The following C19orf38 variants were observed in gnomAD, a reference collection of about 807,000 sequenced individuals.
C19orf38 encodes the protein chromosome 19 open reading frame 38.
C19orf38 carries 14 observed loss-of-function variants against 26.6 expected under a neutral mutation model. That is an observed-to-expected ratio of 0.53 (90% CI 0.35 to 0.82). The LOEUF is 0.82. Ranked by LOEUF, C19orf38 falls within the 40% of genes least tolerant of loss-of-function variation. The pLI is 0.01. For synonymous variants in C19orf38, 132 were observed against 128.5 expected (o/e 1.03, Z -0.18); for missense variants, 261 against 299.5 (o/e 0.87, Z 0.95).
chr19:10,856,239 C>T (rs1324413731), intron 2 of C19orf38, 26 bp from the exon 3 acceptor site: 6 of 1,531,414 alleles, frequency 3.9e-6, no homozygotes, highest in South Asian at 3.6e-5. Context: ...CTGACCTGCC[C>T]ACTCTCTTTT....
chr19:10,856,631 G>A (rs543271923), intron 3 of C19orf38, among the ~76,000 whole-genome samples: 1 of 151,866 alleles, frequency 6.6e-6, no homozygotes, highest in Non-Finnish European at 1.5e-5. Context: ...AGCCTCTCAA[G>A]TAGCTGGGAT....
chr19:10,849,893 C>T (rs1422624171), intron 1 of C19orf38, among the ~76,000 whole-genome samples: 3 of 151,670 alleles, frequency 2.0e-5, no homozygotes. Context: ...AGTGAAACCC[C>T]ATCTCTACTA....
chr19:10,863,274 C>T, intron 6 of C19orf38, 67 bp downstream of exon 6: 1 of 1,493,920 alleles, frequency 6.7e-7, no homozygotes. Context: ...GGGGCGGGCT[C>T]AAGGGGCACC....
chr19:10,841,747 A>C, intron 1 of C19orf38: 1 of 706,458 alleles, frequency 1.4e-6, no homozygotes. Flanking sequence ...CCAAGTTGGG[A>C]GGATCTCTTG....
chr19:10,855,065 T>C (rs2073610489), intron 2 of C19orf38, among the ~76,000 whole-genome samples: 1 of 145,900 alleles, frequency 6.9e-6, no homozygotes, highest in Admixed American at 6.9e-5. Flanking sequence ...TGAGACAGAT[T>C]CTAGCTGTGT....
chr19:10,844,386 G>C (rs898816789), upstream of C19orf38, among the ~76,000 whole-genome samples: 4 of 145,878 alleles, frequency 2.7e-5, no homozygotes, highest in Admixed American at 2.8e-4. Context: ...CTGGGTAACA[G>C]AGTGAGACTC....
upstream of C19orf38, among the ~76,000 whole-genome samples, chr19:10,843,633 C>A (rs892487126): frequency 6.6e-6 from 1 of 152,314 alleles, no homozygotes; most frequent in East Asian, 1.9e-4. Context: ...CCAGGAATCT[C>A]TCTTAACTCC....
intron 1 of C19orf38, among the ~76,000 whole-genome samples, chr19:10,836,997 G>C (rs573108847): frequency 5.3e-5 from 8 of 152,318 alleles, no homozygotes; most frequent in Non-Finnish European, 8.8e-5. Flanking sequence ...GATAAGGACA[G>C]TGTGGGACTG....
At chr19:10,846,053 A>T (rs1297211885), upstream of C19orf38, among the ~76,000 whole-genome samples, 2 of 149,072 alleles carry the variant, frequency 1.3e-5, no homozygotes, top group African/African-American at 4.9e-5. Context: ...GTGGTGGTGG[A>T]CACCTGTAGT....
chr19:10,869,082 A>T, intron 6 of C19orf38, 136 bp from the exon 7 acceptor site: 1 of 1,121,718 alleles, frequency 8.9e-7, no homozygotes, highest in South Asian at 1.4e-5. Flanking sequence ...GAAGACCAGG[A>T]CAGGTGGGTG....
rs1465158231 is a variant in C19orf38, at chr19:10,842,004, C to A, written c.-69+5234C>A. The A allele has an allele frequency of 5.6e-6, 9 of 1,610,494 alleles. No individual in the cohort carries two copies. In the African/African-American group the frequency reaches 1.1e-4, roughly 19 times the overall value. On this transcript the variant is annotated intron_variant, in intron 1 of 7. Transcript: ENST00000592854. ...TAAATCTGGAGAAGGAAGCCAACAT[C>A]CTTTTGGAGCCATGAATATTGTCCG...
chr19:10,850,145 T>C, intron 1 of C19orf38, 114 bp from the exon 2 acceptor site: 1 of 1,033,088 alleles, frequency 9.7e-7, no homozygotes, highest in Non-Finnish European at 1.4e-6. Context: ...ACTAGCCTCC[T>C]GACTCACAGA....
chr19:10,866,359 T>G (rs1453689497), intron 6 of C19orf38, among the ~76,000 whole-genome samples: 1 of 133,772 alleles, frequency 7.5e-6, no homozygotes, highest in Non-Finnish European at 1.5e-5. Context: ...CCCAGCTAAT[T>G]TTTTTTTTTT....
At chr19:10,840,012 G>A (rs1015078435) in intron 1 of C19orf38, among the ~76,000 whole-genome samples, 1 of 152,138 alleles carries the variant, frequency 6.6e-6, no homozygotes, top group South Asian at 2.1e-4. Flanking sequence ...GTGAGTCACT[G>A]TGCCTGGCCC....
chr19:10,839,000 C>T (rs1441363271), intron 1 of C19orf38, among the ~76,000 whole-genome samples: 2 of 151,908 alleles, frequency 1.3e-5, no homozygotes, highest in African/African-American at 2.4e-5. Flanking sequence ...CCGCAACCTC[C>T]GCCTCCCAGG....
At chr19:10,853,456 T>C (rs1012011221) in intron 2 of C19orf38, among the ~76,000 whole-genome samples, 19 of 150,382 alleles carry the variant, frequency 1.3e-4, no homozygotes, top group African/African-American at 3.4e-4. Flanking sequence ...CCAGCTACTT[T>C]TTGAGTTTTA....
chr19:10,849,788 G>T (rs990733240), intron 1 of C19orf38, among the ~76,000 whole-genome samples: 2 of 152,102 alleles, frequency 1.3e-5, no homozygotes, highest in Non-Finnish European at 2.9e-5. Context: ...TGATGGCCAG[G>T]CATGGTAGCT....
At chr19:10,842,097 G>A (rs1267007055) in intron 1 of C19orf38, 27 of 1,583,954 alleles carry the variant, frequency 1.7e-5, no homozygotes, top group South Asian at 5.5e-5. Context: ...GCAGACTCCC[G>A]TAGGTAATGC....
chr19:10,856,539 T>G (rs552953312), intron 3 of C19orf38, among the ~76,000 whole-genome samples, 182 bp downstream of exon 3: 1 of 152,318 alleles, frequency 6.6e-6, no homozygotes, highest in Admixed American at 6.5e-5. Flanking sequence ...AGGCTCGCTC[T>G]GTCGCCCAGG....
Sources: allele counts gnomAD v4.1 joint callset (sites outside exome capture counted in the v4.1 genomes callset), GRCh38; gene constraint gnomAD v4.1.1; transcripts MANE v1.5; gene names NCBI Gene and HGNC (gene_info 2026-07-23, HGNC 2026-07-21).